TBCE: variants seen among roughly 807,000 people sequenced by gnomAD.
TBCE encodes the protein tubulin folding cofactor E.
Under a neutral mutation model 77.0 loss-of-function variants are expected in TBCE, and 53 were observed. That is an observed-to-expected ratio of 0.69 (90% confidence interval 0.55 to 0.87). TBCE has a LOEUF of 0.87. Ranked by LOEUF, TBCE falls within the 40% of genes least tolerant of loss-of-function variation. The pLI is 0.00. For synonymous variants in TBCE, 235 were observed against 241.3 expected, an observed-to-expected ratio of 0.97 and a Z score of 0.24; for missense variants, 624 against 622.4, an observed-to-expected ratio of 1.00 and a Z score of -0.03.
chr1:235,420,396 C>T (rs1169659329), intron 5 of TBCE, among the ~76,000 whole-genome samples: 2 of 151,230 alleles, frequency 1.3e-5, no homozygotes, highest in African/African-American at 2.4e-5. Context: ...CTCACTGTAA[C>T]TTCCGCCTCC....
chr1:235,410,870 G>A (rs966979174), intron 3 of TBCE, among the ~76,000 whole-genome samples: 1 of 152,206 alleles, frequency 6.6e-6, no homozygotes, highest in Non-Finnish European at 1.5e-5. Flanking sequence ...CGTTGGTATG[G>A]CGAAGGCCAT....
At chr1:235,425,911 C>A (rs1680684515) in intron 5 of TBCE, among the ~76,000 whole-genome samples, 1 of 152,202 alleles carries the variant, frequency 6.6e-6, no homozygotes, top group African/African-American at 2.4e-5. Flanking sequence ...CAGCCACACA[C>A]CTTTCCTGCA....
At chr1:235,406,601 G>A (rs1426568709) in intron 3 of TBCE, among the ~76,000 whole-genome samples, 1 of 152,198 alleles carries the variant, frequency 6.6e-6, no homozygotes, top group East Asian at 1.9e-4. Context: ...GCACCATCTC[G>A]GCTCACTGCA....
chr1:235,443,114 CTT>C, intron 15 of TBCE: 1 of 593,456 alleles, frequency 1.7e-6, no homozygotes, highest in South Asian at 2.0e-5. Context: ...TCTCCCCTAA[CTT>C]TATCAGCTGA....
In TBCE at chr1:235,427,155, A is replaced by G. The variant is rs1680768411; in HGVS notation, c.476A>G (p.Asp159Gly). 1.2e-6 allele frequency: 2 copies of G among 1,613,268 alleles called. No homozygotes were observed. Among genetic ancestry groups the G allele is most frequent in the Admixed American group, 1.7e-5 (1 of 59,998 alleles). The stretch of plus-strand genomic sequence containing the variant: ...GTGCTTTTAGATATCAGAAAGGTAG[A>G]TTTGTCAAAAAACCTGTTGTCATCA... ...AEACPNIRKV[D>G]LSKNLLSSWD... The change falls in exon 6 of 17, where the codon GAT (aspartate) becomes GGT (glycine). Residue 159 changes from aspartate to glycine, a missense_variant. Asp to Gly is a moderately conservative substitution (Grantham distance 94). Transcript: ENST00000642610.
intron 2 of TBCE, among the ~76,000 whole-genome samples, chr1:235,384,168 A>G (rs1379941703): frequency 3.0e-5 from 4 of 133,486 alleles, no homozygotes; most frequent in Non-Finnish European, 6.4e-5. Flanking sequence ...GATGAAGCCC[A>G]CTTGATCATG....
rs954120273 is a variant in TBCE, at chr1:235,451,536, CAACA to C, written c.*2778_*2781del. 2 of 137,498 alleles carry C rather than the reference CAACA, an allele frequency of 1.5e-5. No individual in the cohort carries two copies. Among genetic ancestry groups the C allele is most frequent in the African/African-American group, 5.4e-5 (2 of 36,992 alleles). The allele number at this position is 137,498 out of a possible 1,614,324, so 8.5% of individuals were successfully genotyped here. A position where few individuals can be genotyped will look rare whatever the true frequency, so the allele number is the denominator to read the frequency against. On this transcript the variant is annotated 3_prime_UTR_variant, in exon 17 of 17. Coordinates refer to ENST00000642610, the MANE Select transcript of TBCE (RefSeq NM_003193.5). ...GCGCCATGAACAACAGTTGTAGAAA[CAACA>C]AACTGCAAAATCAGACCCAGCAAAG...
intron 2 of TBCE, among the ~76,000 whole-genome samples, chr1:235,394,793 G>C (rs939606132): frequency 6.6e-6 from 1 of 152,026 alleles, no homozygotes; most frequent in African/African-American, 2.4e-5. Context: ...GCTCACTGAA[G>C]CCTCAACCTC....
chr1:235,373,251 G>C (rs1677081052), intron 1 of TBCE, among the ~76,000 whole-genome samples: 1 of 152,046 alleles, frequency 6.6e-6, no homozygotes, highest in Non-Finnish European at 1.5e-5. Flanking sequence ...TGAAAATTTT[G>C]AAAGGGCACT....
At chr1:235,414,372 G>A (rs1221641130) in intron 3 of TBCE, 61 bp from the exon 4 acceptor site, 2 of 1,565,350 alleles carry the variant, frequency 1.3e-6, no homozygotes, top group Non-Finnish European at 1.7e-6. Context: ...TCAGAAAATT[G>A]TATTTATGGC....
intron 3 of TBCE, among the ~76,000 whole-genome samples, chr1:235,408,564 A>G (rs911157007): frequency 2.6e-5 from 4 of 152,158 alleles, no homozygotes; most frequent in African/African-American, 9.7e-5. Flanking sequence ...AATTGTGTCA[A>G]CGCAAAAGCA....
chr1:235,433,337 C>G, intron 7 of TBCE: 1 of 321,170 alleles, frequency 3.1e-6, no homozygotes, highest in Non-Finnish European at 5.2e-6. Context: ...TCTCCTGCGT[C>G]AGCCTCCCAA....
At chr1:235,444,406 T>C (rs1293670885) in intron 15 of TBCE, among the ~76,000 whole-genome samples, 3 of 152,168 alleles carry the variant, frequency 2.0e-5, no homozygotes, top group African/African-American at 4.8e-5. Context: ...TTATTTTTGA[T>C]ATATTTTTTT....
intron 6 of TBCE, among the ~76,000 whole-genome samples, chr1:235,428,184 C>T (rs142962824): frequency 0.021 from 3,267 of 152,004 alleles, 121 homozygotes; most frequent in African/African-American, 0.074. Context: ...ATTAGCCGGG[C>T]GTGGTGGTGG....
At chr1:235,398,589 T>C (rs1423816526) in intron 2 of TBCE, among the ~76,000 whole-genome samples, 3 of 151,282 alleles carry the variant, frequency 2.0e-5, no homozygotes, top group Non-Finnish European at 4.4e-5. Context: ...TCTCCCTTCA[T>C]TGGATGACGA....
intron 5 of TBCE, among the ~76,000 whole-genome samples, chr1:235,419,953 C>T (rs949285448): frequency 6.6e-6 from 1 of 152,072 alleles, no homozygotes; most frequent in African/African-American, 2.4e-5. Context: ...GGTGTGGTGG[C>T]GTGTGCCTGT....
At chr1:235,447,017 ATG>A (rs1377878602) in intron 15 of TBCE, among the ~76,000 whole-genome samples, 2 of 152,108 alleles carry the variant, frequency 1.3e-5, no homozygotes, top group Non-Finnish European at 2.9e-5. Flanking sequence ...TGTTTCTGGC[ATG>A]TGTTAGGAGT....
In TBCE at chr1:235,380,179, G is replaced by T. The variant is rs746561146; in HGVS notation, c.100+30G>T. The T allele has an allele frequency of 2.5e-5, 16 of 628,544 alleles. No individual in the cohort carries two copies. The South Asian group carries it at 4.8e-4, about 19-fold the overall frequency. The allele number at this position is 628,544 out of a possible 1,614,324, so 38.9% of individuals were successfully genotyped here. A position where few individuals can be genotyped will look rare whatever the true frequency, so the allele number is the denominator to read the frequency against. ...GCAATTATTGTGTGTGTGTGTGTGT[G>T]TGTGTGTGTGTGTGTGTGTGTGTGT... is the stretch of plus-strand genomic sequence containing the variant. On this transcript the variant is annotated intron_variant, in intron 2 of 16. Coordinates refer to ENST00000642610, the MANE Select transcript of TBCE (RefSeq NM_003193.5).
chr1:235,419,084 G>A, intron 4 of TBCE: 1 of 310,344 alleles, frequency 3.2e-6, no homozygotes, highest in East Asian at 8.2e-5. Context: ...GCAAGCGCCT[G>A]TAATCCCAGC....
Sources: gnomAD v4.1 joint callset for allele counts (sites outside exome capture counted in the v4.1 genomes callset) on GRCh38, gnomAD v4.1.1 for gene constraint, MANE v1.5 for transcripts, NCBI Gene and HGNC (gene_info 2026-07-23, HGNC 2026-07-21) for gene names.